Variants in ST13 observed in about 807,000 individuals in gnomAD.
ST13 encodes hsc70-interacting protein.
Under a neutral mutation model 56.7 loss-of-function variants are expected in ST13, and 23 were observed. The ratio of observed to expected loss-of-function variants is 0.41; its 90% CI spans 0.29 to 0.57. The LOEUF (loss-of-function observed/expected upper bound fraction) is 0.57. Among genes scored for constraint, ST13 ranks in the 20% least tolerant of loss-of-function variants. The probability of loss-of-function intolerance (pLI) is 0.36; values close to 1 mark genes in which losing one functional copy is unlikely to be tolerated. For missense variants in ST13, 369 were observed against 459.9 expected (o/e 0.80, Z 1.81); for synonymous variants, 132 against 142.4 (o/e 0.93, Z 0.52).
chr22:40,835,664 G>A lies in ST13; in HGVS notation c.474C>T (p.Phe158=), dbSNP rs764960231. 14 of 1,613,288 alleles carry A rather than the reference G, an allele frequency of 8.7e-6. No individual in the cohort carries two copies. In the East Asian group the frequency reaches 8.9e-5, roughly 10 times the overall value. Residue 158 remains phenylalanine, a synonymous_variant, in exon 7 of 12, where the codon TTC becomes TTT. Coordinates refer to ENST00000216218, the MANE Select transcript of ST13 (RefSeq NM_003932.5). The part of the protein sequence containing the change: ...AILYAKRASV[F]VKLQKPNAAI... ...CAGCATTTGGCTTCTGTAATTTGAC[G>A]AAGACACTGAAAAATAAGTGTGTTA... is the stretch of plus-strand genomic sequence containing the variant.
chr22:40,828,513 T>C (rs947509276), intron 10 of ST13, among the ~76,000 whole-genome samples: 3 of 151,434 alleles, frequency 2.0e-5, no homozygotes, highest in Non-Finnish European at 4.4e-5. Flanking sequence ...CTCGGGAGGC[T>C]GAGGCAGGAG....
Position 40,856,616 on chromosome 22 carries a change from G to T in ST13, c.-76C>A. On this transcript the variant is annotated 5_prime_UTR_variant, in exon 1 of 12. Coordinates refer to ENST00000216218, the MANE Select transcript of ST13 (RefSeq NM_003932.5). ...CCAGGCGCTGGCTCGGCGTGACCGC[G>T]CAGAAGGGGGCGGCTGCCGCAAGAC... 1 of 1,167,138 alleles carries T rather than the reference G, an allele frequency of 8.6e-7. No homozygotes were observed. The highest frequency in any genetic ancestry group is 1.3e-6 in the Non-Finnish European group (1 of 785,082). The allele number at this position is 1,167,138 out of a possible 1,614,324, so 72.3% of individuals were successfully genotyped here.
intron 10 of ST13, 116 bp downstream of exon 10, chr22:40,829,510 A>G (rs2057744160): frequency 2.2e-6 from 1 of 456,432 alleles, no homozygotes; most frequent in Middle Eastern, 6.5e-4. Context: ...TTCTTCATGA[A>G]TATCACTGTA....
chr22:40,855,078 T>C (rs1008510999), intron 1 of ST13, among the ~76,000 whole-genome samples: 8 of 152,162 alleles, frequency 5.3e-5, no homozygotes, highest in African/African-American at 1.9e-4. Flanking sequence ...GCTGACAGAT[T>C]GTAACGAGTT....
At chr22:40,843,884 ATT>A (rs11308730) in intron 4 of ST13, among the ~76,000 whole-genome samples, 5,194 of 143,874 alleles carry the variant, frequency 0.036, 262 homozygotes, top group African/African-American at 0.12. Context: ...AGGAAAATGC[ATT>A]TTTTTTTTTT....
At chr22:40,833,800 C>A (rs757926903) in intron 7 of ST13, among the ~76,000 whole-genome samples, 6 of 150,554 alleles carry the variant, frequency 4.0e-5, no homozygotes, top group Non-Finnish European at 5.9e-5. Context: ...GAGCCCGGGG[C>A]GGGTGCAGTG....
In ST13 at chr22:40,840,733, A is replaced by T. The variant is rs766553436; in HGVS notation, c.316-41T>A. On this transcript the variant is annotated intron_variant, in intron 4 of 11. Transcript: ENST00000216218. The stretch of plus-strand genomic sequence containing the variant: ...AAATCATCTTAGAATTAGTAGAGAG[A>T]GAGAGAAGGAAGCAATTCATACTTT... 1.9e-6 allele frequency: 3 copies of T among 1,551,254 alleles called. No homozygotes were observed. The East Asian group carries it at 6.8e-5, about 35-fold the overall frequency.
rs772137903 is a variant in ST13, at chr22:40,830,960, G to C, written c.682-4C>G. 1 of 1,586,992 alleles carries C rather than the reference G, an allele frequency of 6.3e-7. No individual in the cohort carries two copies. The highest frequency in any genetic ancestry group is 1.1e-5 in the South Asian group (1 of 89,862). On this transcript the variant is annotated splice_polypyrimidine_tract_variant and splice_region_variant and intron_variant, in intron 8 of 11. Coordinates refer to ENST00000216218, the MANE Select transcript of ST13 (RefSeq NM_003932.5). The stretch of plus-strand genomic sequence containing the variant: ...GATGTTCTGCAATTTTCTGTGCCTA[G>C]AAAAAAGAGCCATAGCAAAATAAGC...
intron 10 of ST13, among the ~76,000 whole-genome samples, chr22:40,828,392 CAGG>C (rs1044456929): frequency 2.7e-5 from 4 of 150,912 alleles, no homozygotes; most frequent in African/African-American, 9.8e-5. Flanking sequence ...ATCACGAGGT[CAGG>C]AGATCGAGAC....
intron 1 of ST13, among the ~76,000 whole-genome samples, chr22:40,851,249 A>C (rs2057859797): frequency 6.6e-6 from 1 of 152,240 alleles, no homozygotes; most frequent in African/African-American, 2.4e-5. Flanking sequence ...CTGAATCCTA[A>C]ATTTGAAACT....
chr22:40,830,272 A>G (rs916819907), intron 9 of ST13, among the ~76,000 whole-genome samples: 8 of 152,234 alleles, frequency 5.3e-5, no homozygotes, highest in Non-Finnish European at 8.8e-5. Context: ...AGAATGTAAC[A>G]TATTATATAA....
intron 5 of ST13, 32 bp from the exon 6 acceptor site, chr22:40,835,919 T>C (rs1006779127): frequency 3.0e-5 from 46 of 1,509,366 alleles, no homozygotes; most frequent in Non-Finnish European, 3.9e-5. Context: ...CGAGAAATAT[T>C]CAGAGGATAA....
In ST13 at chr22:40,826,496, G is replaced by A. The variant is rs761288465; in HGVS notation, c.*42C>T. Reference sequence around the variant, plus strand: ...TTGCGACATCCATAAGGTGATCTAGGTTGCTTTTCCTTCAGCAAGGGCTTT... The same window carrying A: ...TTGCGACATCCATAAGGTGATCTAGATTGCTTTTCCTTCAGCAAGGGCTTT... On this transcript the variant is annotated 3_prime_UTR_variant, in exon 12 of 12. Coordinates refer to ENST00000216218, the MANE Select transcript of ST13 (RefSeq NM_003932.5). 2.4e-5 allele frequency: 39 copies of A among 1,592,288 alleles called. No individual in the cohort carries two copies. In the African/African-American group the frequency reaches 4.4e-4, roughly 18 times the overall value.
chr22:40,840,666 T>C lies in ST13; in HGVS notation c.342A>G (p.Ala114=), dbSNP rs1244861131. ...CAATAGCAGCCACTTTTTTATCATT[T>C]GCCTGATCCATCATCTCCTCCGTTA... is the stretch of plus-strand genomic sequence containing the variant. The part of the protein sequence containing the change: ...AEITEEMMDQ[A]NDKKVAAIEA... Residue 114 remains alanine, a synonymous_variant, in exon 5 of 12, where the codon GCA becomes GCG. Transcript: ENST00000216218. 1 of 1,610,962 alleles carries C rather than the reference T, an allele frequency of 6.2e-7. No homozygotes were observed. Among genetic ancestry groups the C allele is most frequent in the Admixed American group, 1.7e-5 (1 of 59,570 alleles).
intron 1 of ST13, among the ~76,000 whole-genome samples, chr22:40,853,679 A>G (rs185990379): frequency 8.0e-4 from 122 of 152,330 alleles, no homozygotes; most frequent in Non-Finnish European, 1.3e-3. Flanking sequence ...TGTACAAAAA[A>G]TTGGTTGCTA....
At chr22:40,830,253 C>T (rs777884762) in intron 9 of ST13, among the ~76,000 whole-genome samples, 1 of 152,050 alleles carries the variant, frequency 6.6e-6, no homozygotes, top group Non-Finnish European at 1.5e-5. Flanking sequence ...ATTAAATGGA[C>T]AAAAAATTAG....
intron 3 of ST13, among the ~76,000 whole-genome samples, chr22:40,847,955 G>A (rs575697221): frequency 6.6e-6 from 1 of 152,162 alleles, no homozygotes; most frequent in African/African-American, 2.4e-5. Context: ...GCTCAGGCAG[G>A]AGAATGGCTT....
intron 5 of ST13, among the ~76,000 whole-genome samples, chr22:40,836,391 G>A (rs569181902): frequency 6.6e-6 from 1 of 151,856 alleles, no homozygotes; most frequent in South Asian, 2.1e-4. Flanking sequence ...CTTCCAGTGA[G>A]GCGAGATCAC....
chr22:40,826,659 T>C lies in ST13; in HGVS notation c.989A>G (p.Glu330Gly). 1 of 1,609,816 alleles carries C rather than the reference T, an allele frequency of 6.2e-7. No homozygotes were observed. The highest frequency in any genetic ancestry group is 1.1e-5 in the South Asian group (1 of 91,064). ...CACATCCTGGAAAGCCACCATAACT[T>C]CTGGATCCTGAAAAGAAAGGGTTCA... ...PEVLAAMQDP[E>G]VMVAFQDVAQ... The change falls in exon 12 of 12, where the codon GAA becomes GGA. Residue 330 changes from glutamate (E) to glycine (G), a missense_variant. Around this residue, in one of 3 missense-constraint regions of ST13, gnomAD observed 136 missense variants for 159.2 expected, o/e 0.85. Coordinates refer to ENST00000216218, the MANE Select transcript of ST13 (RefSeq NM_003932.5).
Sources: gnomAD v4.1 joint callset for allele counts (sites outside exome capture counted in the v4.1 genomes callset) on GRCh38, gnomAD v4.1.1 for gene constraint, gnomAD v4.1.1 regional missense constraint, MANE v1.5 for transcripts, NCBI Gene and HGNC (gene_info 2026-07-23, HGNC 2026-07-21) for gene names.